Variants in SPP2 observed in about 807,000 individuals in gnomAD.
The protein encoded by SPP2 is secreted phosphoprotein 24.
A neutral mutation model predicts 28.8 loss-of-function variants in SPP2; 34 were observed. The ratio of observed to expected loss-of-function variants is 1.18; its 90% CI spans 0.90 to 1.57. SPP2 has a LOEUF of 1.57. Among genes scored for constraint, SPP2 ranks in the 40% most tolerant of loss-of-function variants. The pLI, the probability that SPP2 is intolerant of heterozygous loss-of-function variation, is 0.00. For synonymous variants in SPP2, 96 were observed against 89.4 expected (o/e 1.07, Z -0.42); for missense variants, 269 against 263.9 (o/e 1.02, Z -0.13).
At chr2:234,063,400 T>C (rs1693757647) in intron 4 of SPP2, among the ~76,000 whole-genome samples, 1 of 152,090 alleles carries the variant, frequency 6.6e-6, no homozygotes, top group Non-Finnish European at 1.5e-5. Flanking sequence ...AAATCCAAAT[T>C]ATGACTAATA....
rs1041894948 is a variant in SPP2 at position 234,065,095 on chromosome 2, C to G, written c.445-1438C>G. The stretch of plus-strand genomic sequence containing the variant: ...ATATAGTAACTCTATGTTTAATGAC[C>G]GTATAGTGACTTTATGTTTAACTTT... On this transcript the variant is annotated intron_variant, in intron 4 of 7. Coordinates refer to ENST00000168148, the MANE Select transcript of SPP2 (RefSeq NM_006944.3). Among the ~76,000 whole-genome samples, 5 of 152,090 alleles carry G rather than the reference C, an allele frequency of 3.3e-5. No homozygotes were observed. In the South Asian group the frequency reaches 6.2e-4, roughly 19 times the overall value.
rs781154560 is a variant in SPP2, at chr2:234,066,522, A to G, written c.445-11A>G. ...ATGTGCTGACACATCCTGATGCCTGAATTTCTTTAGATGATTTTTGGGGAC... is the reference window on the plus strand; with the variant it reads ...ATGTGCTGACACATCCTGATGCCTGGATTTCTTTAGATGATTTTTGGGGAC... On this transcript the variant is annotated splice_polypyrimidine_tract_variant and intron_variant, in intron 4 of 7. Coordinates refer to ENST00000168148, the MANE Select transcript of SPP2 (RefSeq NM_006944.3). 6.2e-7 allele frequency: 1 copy of G among 1,610,578 alleles called. No individual in the cohort carries two copies.
At chr2:234,070,979 G>C (rs1690765871) in intron 7 of SPP2, among the ~76,000 whole-genome samples, 1 of 152,106 alleles carries the variant, frequency 6.6e-6, no homozygotes, top group South Asian at 2.1e-4. Flanking sequence ...TATCCTGGGT[G>C]TCCCTGAAAC....
At chr2:234,064,918 G>T (rs1241869818) in intron 4 of SPP2, among the ~76,000 whole-genome samples, 1 of 152,198 alleles carries the variant, frequency 6.6e-6, no homozygotes. Context: ...CCGTTTTACA[G>T]AGCCACATTT....
chr2:234,054,876 A>G (rs1693575153), intron 2 of SPP2, among the ~76,000 whole-genome samples: 1 of 152,108 alleles, frequency 6.6e-6, no homozygotes, highest in Non-Finnish European at 1.5e-5. Flanking sequence ...GTACATTTGG[A>G]GGCAAAGCCA....
chr2:234,075,111 C>A (rs559719307), intron 7 of SPP2, among the ~76,000 whole-genome samples: 4 of 151,916 alleles, frequency 2.6e-5, no homozygotes, highest in Admixed American at 2.0e-4. Context: ...TTGACCTCAG[C>A]TGGGAAGGTG....
chr2:234,064,603 T>C (rs1425764255), intron 4 of SPP2, among the ~76,000 whole-genome samples: 1 of 152,240 alleles, frequency 6.6e-6, no homozygotes, highest in East Asian at 1.9e-4. Context: ...ATTCACCCTT[T>C]TAATATGTAC....
chr2:234,060,273 C>A lies in SPP2; in HGVS notation c.334-96C>A. The stretch of plus-strand genomic sequence containing the variant: ...TCTGTGAAGTTTTTCTTTGTCATTT[C>A]GTCAAACCTGACATTTATTTTCCTG... On this transcript the variant is annotated intron_variant, in intron 3 of 7. Transcript: ENST00000168148. The A allele has an allele frequency of 3.6e-6, 3 of 829,926 alleles. 1 individual carries two copies. Among genetic ancestry groups the A allele is most frequent in the South Asian group, 3.0e-5 (2 of 67,090 alleles). 51.4% of individuals were successfully genotyped at this position (829,926 alleles called of 1,614,324 possible). A position where few individuals can be genotyped will look rare whatever the true frequency, so the allele number is the denominator to read the frequency against.
chr2:234,072,078 T>C (rs1182175498), intron 7 of SPP2, among the ~76,000 whole-genome samples: 2 of 152,196 alleles, frequency 1.3e-5, no homozygotes, highest in Admixed American at 1.3e-4. Context: ...TAAATAGCAC[T>C]CAGTAAATAT....
At chr2:234,060,292 T>G in intron 3 of SPP2, 77 bp from the exon 4 acceptor site, 2 of 959,350 alleles carry the variant, frequency 2.1e-6, no homozygotes, top group Non-Finnish European at 3.3e-6. Context: ...TGACATTTAT[T>G]TTCCTGATTT....
At chr2:234,062,117 C>T (rs763312968) in intron 4 of SPP2, among the ~76,000 whole-genome samples, 1 of 152,182 alleles carries the variant, frequency 6.6e-6, no homozygotes, top group Non-Finnish European at 1.5e-5. Context: ...GGGAGGAAGA[C>T]AAGCACAGTG....
Sources: gnomAD v4.1 joint callset for allele counts (sites outside exome capture counted in the v4.1 genomes callset) on GRCh38, gnomAD v4.1.1 for gene constraint, MANE v1.5 for transcripts, NCBI Gene and HGNC (gene_info 2026-07-23, HGNC 2026-07-21) for gene names.